The following SCART1 variants were observed in gnomAD, a reference collection of about 807,000 sequenced individuals.
The protein encoded by SCART1 is scavenger receptor family member expressed on T cells 1.
Under a neutral mutation model 36.2 loss-of-function variants are expected in SCART1, and 62 were observed. The ratio of observed to expected loss-of-function variants is 1.71; its 90% CI spans 1.40 to 2.12. The LOEUF (loss-of-function observed/expected upper bound fraction) is 2.12, where lower values mean the gene tolerates loss of function less well. SCART1 is among the 30% of genes most tolerant of loss of function. The pLI, the probability that SCART1 is intolerant of heterozygous loss-of-function variation, is 0.00. For missense variants in SCART1, 1,041 were observed against 540.5 expected (o/e 1.93, Z -9.18); for synonymous variants, 487 against 238.7 (o/e 2.04, Z -9.59).
In SCART1 at chr10:133,458,348, G is replaced by A. The variant is rs78957888; in HGVS notation, c.683-12G>A. ...ACACCTGTCTCCTGCCTGAGAGGACGTCTGCCCCCAGGACACACCGAGGCC... is the reference window on the plus strand; with the variant it reads ...ACACCTGTCTCCTGCCTGAGAGGACATCTGCCCCCAGGACACACCGAGGCC... On this transcript the variant is annotated splice_polypyrimidine_tract_variant and intron_variant, in intron 3 of 11. Transcript: ENST00000640237. The A allele has an allele frequency of 2.2e-3, 1,535 of 702,580 alleles. 15 individuals are homozygous for A. In the African/African-American group the frequency reaches 0.023, roughly 11 times the overall value. The allele number at this position is 702,580 out of a possible 1,614,324, so 43.5% of individuals were successfully genotyped here.
chr10:133,461,958 AC>A (rs1850707433), intron 6 of SCART1, among the ~76,000 whole-genome samples: 1 of 152,152 alleles, frequency 6.6e-6, no homozygotes, highest in South Asian at 2.1e-4. Flanking sequence ...ATCTACAGGC[AC>A]CCGGCTGTCA....
chr10:133,460,013 CGCCCTGGGG>C, exon 6 of SCART1: 2 of 528,030 alleles, frequency 3.8e-6, no homozygotes, highest in Non-Finnish European at 6.6e-6. Flanking sequence ...GCGCCCTGAG[CGCCCTGGGG>C]GCCGCACACT....
At chr10:133,455,789 T>G (rs1226000559) in intron 1 of SCART1, among the ~76,000 whole-genome samples, 3 of 151,750 alleles carry the variant, frequency 2.0e-5, no homozygotes, top group Admixed American at 6.6e-5. Flanking sequence ...ATACTCAGGG[T>G]TGCAGAGGAC....
exon 4 of SCART1, chr10:133,458,446 C>T: frequency 1.4e-6 from 1 of 698,616 alleles, no homozygotes; most frequent in Non-Finnish European, 2.6e-6. Flanking sequence ...TGATGCGGCC[C>T]TGGACCTGGC....
chr10:133,465,935 C>A, intron 9 of SCART1: 2 of 671,996 alleles, frequency 3.0e-6, no homozygotes, highest in Non-Finnish European at 2.7e-6. Context: ...GTAACTTTCC[C>A]TGAGCCACTC....
chr10:133,458,983 G>A (rs1850657823), intron 4 of SCART1, 38 bp from the exon 5 acceptor site: 1 of 646,648 alleles, frequency 1.5e-6, no homozygotes, highest in Non-Finnish European at 2.8e-6. Context: ...TTCTGGGTCG[G>A]CCGTCTGCAA....
At chr10:133,465,883 C>T in intron 9 of SCART1, 2 of 684,076 alleles carry the variant, frequency 2.9e-6, no homozygotes, top group African/African-American at 1.8e-5. Flanking sequence ...AGAAAACAAA[C>T]AGTTAACCAC....
intron 2 of SCART1, 63 bp from the exon 3 acceptor site, chr10:133,457,216 T>C: frequency 1.5e-6 from 1 of 678,922 alleles, no homozygotes. Flanking sequence ...AAAAAGGAGC[T>C]GCCGAGTGAC....
intron 6 of SCART1, among the ~76,000 whole-genome samples, chr10:133,463,165 C>T (rs1484593000): frequency 6.6e-6 from 1 of 152,108 alleles, no homozygotes; most frequent in Non-Finnish European, 1.5e-5. Context: ...CATATTTGGG[C>T]ACTGATCCCT....
At chr10:133,456,728 G>A (rs1404280519) in intron 2 of SCART1, among the ~76,000 whole-genome samples, 174 bp downstream of exon 2, 1 of 152,138 alleles carries the variant, frequency 6.6e-6, no homozygotes, top group Non-Finnish European at 1.5e-5. Flanking sequence ...GGGCACCGGG[G>A]CCATCCTGAC....
intron 6 of SCART1, among the ~76,000 whole-genome samples, chr10:133,462,711 G>A (rs1356901456): frequency 1.3e-5 from 2 of 152,152 alleles, no homozygotes; most frequent in Admixed American, 6.5e-5. Flanking sequence ...GCCTTGCTTC[G>A]GGGCCCTGGC....
chr10:133,456,094 C>T, intron 1 of SCART1, 143 bp from the exon 2 acceptor site: 1 of 605,028 alleles, frequency 1.7e-6, no homozygotes, highest in Non-Finnish European at 3.0e-6. Flanking sequence ...GCGCCCATCA[C>T]CTCTCTGGGA....
chr10:133,465,490 C>T, exon 9 of SCART1: 1 of 524,132 alleles, frequency 1.9e-6, no homozygotes, highest in Non-Finnish European at 3.3e-6. Context: ...CGAGGCGTCC[C>T]TGTGGGGCTG....
exon 7 of SCART1, chr10:133,464,904 G>C (rs1462900787): frequency 2.8e-6 from 2 of 702,882 alleles, no homozygotes; most frequent in Admixed American, 2.0e-5. Context: ...TGCGACCTTC[G>C]AGAGCAGGTC....
At chr10:133,465,029 G>A in intron 7 of SCART1, 77 bp from the exon 8 acceptor site, 1 of 700,780 alleles carries the variant, frequency 1.4e-6, no homozygotes, top group South Asian at 1.5e-5. Flanking sequence ...TGGGCCTGGG[G>A]GTCACTAGGA....
chr10:133,467,993 A>G, exon 12 of SCART1: 1 of 660,448 alleles, frequency 1.5e-6, no homozygotes, highest in South Asian at 1.6e-5. Flanking sequence ...GAGATACACC[A>G]GCTGGCTGTC....
In SCART1 at chr10:133,454,748, G is replaced by A. The variant is rs75052556; in HGVS notation, c.67+684G>A. 5.7e-3 allele frequency among the ~76,000 whole-genome samples: 864 copies of A among 152,192 alleles called. 8 individuals carry two copies. The highest frequency in any genetic ancestry group is 0.019 in the African/African-American group (792 of 41,504). ...GGCTGGTCCAGGTGCCCAGCAGGGC[G>A]GTGACCTGGTGCTGGACGGAGCCAC... On this transcript the variant is annotated intron_variant, in intron 1 of 11. Coordinates refer to ENST00000640237, the Ensembl canonical transcript of SCART1.
intron 2 of SCART1, among the ~76,000 whole-genome samples, 187 bp downstream of exon 2, chr10:133,456,741 T>C (rs567886809): frequency 1.3e-5 from 2 of 151,880 alleles, no homozygotes; most frequent in Admixed American, 6.5e-5. Flanking sequence ...ATCCTGACTG[T>C]AAGATTCAGC....
exon 12 of SCART1, chr10:133,468,318 A>C (rs771423885): frequency 1.5e-4 from 28 of 192,874 alleles, no homozygotes; most frequent in Non-Finnish European, 2.7e-4. Flanking sequence ...AGTGGGTTGC[A>C]GAGCTCCCCA....
Sources: gnomAD v4.1 joint callset for allele counts (sites outside exome capture counted in the v4.1 genomes callset) on GRCh38, gnomAD v4.1.1 for gene constraint, MANE v1.5 for transcripts, NCBI Gene and HGNC (gene_info 2026-07-23, HGNC 2026-07-21) for gene names.